The following CXXC5 variants were observed in gnomAD, a reference collection of about 807,000 sequenced individuals.
The protein encoded by CXXC5 is CXXC-type zinc finger protein 5.
CXXC5 carries 2 observed loss-of-function variants against 17.6 expected under a neutral mutation model. That is an observed-to-expected ratio of 0.11 (90% CI 0.05 to 0.36). CXXC5 has a LOEUF of 0.36. Among genes scored for constraint, CXXC5 ranks in the 10% least tolerant of loss-of-function variants. CXXC5 has a pLI of 1.00. For missense variants in CXXC5, 343 were observed against 458.3 expected (o/e 0.75, Z 2.30); for synonymous variants, 171 against 193.0 (o/e 0.89, Z 0.94).
intron 1 of CXXC5, among the ~76,000 whole-genome samples, chr5:139,667,192 C>G (rs978548760): frequency 6.6e-6 from 1 of 152,158 alleles, no homozygotes; most frequent in African/African-American, 2.4e-5. Context: ...TGGGTCACAC[C>G]CACTCCCTGA....
rs926440307 is a variant in CXXC5 at position 139,661,428 on chromosome 5, G to A, written c.-161+12583G>A. ...ACGACTCAGCACACCCAGCCGACACGCGTGGTACAGACTCGGTCACATGCA... is the reference window on the plus strand; with the variant it reads ...ACGACTCAGCACACCCAGCCGACACACGTGGTACAGACTCGGTCACATGCA... On this transcript the variant is annotated intron_variant, in intron 1 of 2. Coordinates refer to ENST00000302517, the MANE Select transcript of CXXC5 (RefSeq NM_016463.9). This position sits in a 1 kb window ranked among gnomAD's most constrained non-coding sequence, Gnocchi z 4.7. Among the ~76,000 whole-genome samples, 29 of 152,172 alleles carry A rather than the reference G, an allele frequency of 1.9e-4. No homozygotes were observed. Among genetic ancestry groups the A allele is most frequent in the African/African-American group, 5.1e-4 (21 of 41,436 alleles).
intron 1 of CXXC5, chr5:139,665,903 G>C (rs1271878859): frequency 6.6e-6 from 1 of 152,222 alleles, no homozygotes; most frequent in Admixed American, 6.5e-5. Flanking sequence ...ATAAGAACCC[G>C]GCCACTTGTT....
chr5:139,650,497 G>A (rs901822248), intron 1 of CXXC5, among the ~76,000 whole-genome samples: 3 of 152,208 alleles, frequency 2.0e-5, no homozygotes, highest in African/African-American at 4.8e-5. Flanking sequence ...CAGGGCCGCC[G>A]GCAAACAGAG....
chr5:139,682,393 C>T (rs1757291396), intron 2 of CXXC5, among the ~76,000 whole-genome samples: 1 of 144,882 alleles, frequency 6.9e-6, no homozygotes, highest in Non-Finnish European at 1.5e-5. Flanking sequence ...CACAAAGGCA[C>T]CCACTTTAGT....
intron 1 of CXXC5, chr5:139,675,527 G>A (rs1474241627): frequency 3.3e-5 from 5 of 152,234 alleles, no homozygotes. Context: ...CCACGGAGAG[G>A]TGACAGGCAC....
chr5:139,675,224 A>T (rs1021601503), intron 1 of CXXC5, among the ~76,000 whole-genome samples: 1 of 152,144 alleles, frequency 6.6e-6, no homozygotes, highest in African/African-American at 2.4e-5. Flanking sequence ...TATCTAGAAC[A>T]TCCAGCTGTG....
At chr5:139,681,545 G>T in intron 2 of CXXC5, 98 bp downstream of exon 2, 1 of 1,416,818 alleles carries the variant, frequency 7.1e-7, no homozygotes, top group Non-Finnish European at 9.4e-7. Flanking sequence ...ACCTGGGCAA[G>T]TGTCTGGGGG....
chr5:139,657,674 C>T (rs1448549760), intron 1 of CXXC5, among the ~76,000 whole-genome samples: 1 of 152,202 alleles, frequency 6.6e-6, no homozygotes, highest in Non-Finnish European at 1.5e-5. Flanking sequence ...GTCCTATCTT[C>T]TTTGAGGACC....
intron 1 of CXXC5, among the ~76,000 whole-genome samples, chr5:139,669,972 G>A (rs1218093091): frequency 6.6e-6 from 1 of 152,208 alleles, no homozygotes. Flanking sequence ...CTGTGGCTGG[G>A]GCCAGCCTGA....
intron 1 of CXXC5, among the ~76,000 whole-genome samples, chr5:139,677,844 G>A (rs1367852641): frequency 2.0e-5 from 3 of 152,254 alleles, no homozygotes; most frequent in Non-Finnish European, 4.4e-5. Flanking sequence ...CAGCCAGAGC[G>A]CCAGCCCTGA....
At chr5:139,678,376 A>T (rs1332741246) in intron 1 of CXXC5, among the ~76,000 whole-genome samples, 1 of 152,120 alleles carries the variant, frequency 6.6e-6, no homozygotes, top group Non-Finnish European at 1.5e-5. Context: ...CTGACCTCTG[A>T]TGCCCCCCAA....
chr5:139,655,487 GC>G (rs1008624880), intron 1 of CXXC5, among the ~76,000 whole-genome samples: 3 of 146,864 alleles, frequency 2.0e-5, no homozygotes, highest in African/African-American at 7.6e-5. Context: ...CCCAGAGGCT[GC>G]CTCTGCCTTC....
chr5:139,656,848 C>T (rs142652860), intron 1 of CXXC5, among the ~76,000 whole-genome samples: 9,268 of 152,220 alleles, frequency 0.061, 934 homozygotes, highest in African/African-American at 0.21. Context: ...CCTCAGCCTC[C>T]CGAGTAGCTG....
At chr5:139,677,477 A>T (rs1756916588) in intron 1 of CXXC5, among the ~76,000 whole-genome samples, 1 of 152,198 alleles carries the variant, frequency 6.6e-6, no homozygotes, top group African/African-American at 2.4e-5. Flanking sequence ...CTGAAGGAGA[A>T]GATGAGCCAG....
At chr5:139,651,863 G>C (rs935200930) in intron 1 of CXXC5, among the ~76,000 whole-genome samples, 3 of 152,196 alleles carry the variant, frequency 2.0e-5, no homozygotes, top group Non-Finnish European at 2.9e-5. Context: ...AATTGAACAA[G>C]AATGGGGGGG....
At chr5:139,682,824 C>A in intron 2 of CXXC5, 39 bp from the exon 3 acceptor site, 1 of 1,570,188 alleles carries the variant, frequency 6.4e-7, no homozygotes, top group Non-Finnish European at 8.7e-7. Context: ...CGGACCCTGA[C>A]TGAACTCTCT....
rs1460971965 is a variant in CXXC5 at position 139,680,533 on chromosome 5, C to T, written c.10C>T (p.Leu4Phe). The T allele has an allele frequency of 6.4e-7, 1 of 1,559,588 alleles. No individual in the cohort carries two copies. The highest frequency in any genetic ancestry group is 8.7e-7 in the Non-Finnish European group (1 of 1,153,174). ...GGGCCTCGGCCCCACCATGTCGAGC[C>T]TCGGCGGTGGCTCCCAGGATGCCGG... is the stretch of plus-strand genomic sequence containing the variant. Reference protein sequence around the residue: MSSLGGGSQDAGGS... With the variant: MSSFGGGSQDAGGS... Residue 4 changes from leucine (L) to phenylalanine (F), a missense_variant, in exon 2 of 3, where the codon CTC (leucine) becomes TTC (phenylalanine). By Grantham distance (22) the Leu-to-Phe change is conservative (BLOSUM62 0). Around this residue, in one of 4 missense-constraint regions of CXXC5, gnomAD observed 297 missense variants for 363.4 expected, o/e 0.82. Transcript: ENST00000302517.
chr5:139,665,407 C>T (rs1022680324), intron 1 of CXXC5, among the ~76,000 whole-genome samples: 1 of 152,238 alleles, frequency 6.6e-6, no homozygotes, highest in African/African-American at 2.4e-5. Context: ...CCAGAGCCCC[C>T]ACCTCCTTGC....
At chr5:139,659,982 A>G (rs1271100564) in intron 1 of CXXC5, among the ~76,000 whole-genome samples, 1 of 152,116 alleles carries the variant, frequency 6.6e-6, no homozygotes, top group East Asian at 1.9e-4. Context: ...GCTGTCAGAG[A>G]CAGACAGGCA....
Sources: allele counts gnomAD v4.1 joint callset (sites outside exome capture counted in the v4.1 genomes callset), GRCh38; gene constraint gnomAD v4.1.1; regional missense constraint gnomAD v4.1.1; non-coding constraint Gnocchi (gnomAD v3.1); transcripts MANE v1.5; gene names NCBI Gene and HGNC (gene_info 2026-07-23, HGNC 2026-07-21).